Variants in FAM83B observed in about 807,000 individuals in gnomAD.
FAM83B encodes the protein scaffolding CK1 anchoring protein B, also known as protein FAM83B.
A neutral mutation model predicts 38.8 loss-of-function variants in FAM83B; 26 were observed. That is an observed-to-expected ratio of 0.67 (90% CI 0.49 to 0.93). The LOEUF is 0.93. FAM83B is among the 40% of genes least tolerant of loss of function. FAM83B has a pLI of 0.00. For synonymous variants in FAM83B, 419 were observed against 423.1 expected (o/e 0.99, Z 0.12); for missense variants, 1,237 against 1,197.3 (o/e 1.03, Z -0.49).
At chr6:54,885,207 A>G (rs1400030300) in intron 2 of FAM83B, among the ~76,000 whole-genome samples, 5 of 152,146 alleles carry the variant, frequency 3.3e-5, no homozygotes, top group Non-Finnish European at 7.4e-5. Context: ...CACTGCATTT[A>G]TAGAACAGTG....
intron 2 of FAM83B, among the ~76,000 whole-genome samples, chr6:54,897,092 A>G (rs1772555860): frequency 6.6e-6 from 1 of 152,082 alleles, no homozygotes; most frequent in Non-Finnish European, 1.5e-5. Flanking sequence ...TACTGTTAAT[A>G]TTATTGTCAC....
chr6:54,876,674 G>A (rs1772005024), intron 2 of FAM83B, among the ~76,000 whole-genome samples: 1 of 151,696 alleles, frequency 6.6e-6, no homozygotes, highest in African/African-American at 2.4e-5. Flanking sequence ...ATTTCCTTTA[G>A]TCAGCTATTA....
intron 2 of FAM83B, among the ~76,000 whole-genome samples, chr6:54,914,907 C>T (rs1447665976): frequency 1.3e-5 from 2 of 152,090 alleles, no homozygotes; most frequent in Non-Finnish European, 1.5e-5. Flanking sequence ...CTGTTCACCA[C>T]CAAAATATGC....
intron 2 of FAM83B, among the ~76,000 whole-genome samples, chr6:54,909,058 A>G (rs1772845591): frequency 6.6e-6 from 1 of 152,208 alleles, no homozygotes; most frequent in Admixed American, 6.5e-5. Flanking sequence ...CTTGTCTAAC[A>G]CAACTCATAG....
intron 2 of FAM83B, among the ~76,000 whole-genome samples, chr6:54,918,885 G>C (rs2127586623): frequency 6.6e-6 from 1 of 152,184 alleles, no homozygotes; most frequent in Non-Finnish European, 1.5e-5. Context: ...TCCCCGCAGA[G>C]CTTCCTCTTT....
intron 4 of FAM83B, among the ~76,000 whole-genome samples, chr6:54,930,977 A>G (rs1452130717): frequency 6.6e-6 from 1 of 152,106 alleles, no homozygotes; most frequent in Non-Finnish European, 1.5e-5. Flanking sequence ...GCTACATCTC[A>G]TAAATTTTGA....
intron 2 of FAM83B, among the ~76,000 whole-genome samples, chr6:54,910,414 C>T (rs1772877809): frequency 6.6e-6 from 1 of 152,292 alleles, no homozygotes; most frequent in African/African-American, 2.4e-5. Context: ...CCGCCTCTAC[C>T]GGATCTATTT....
At chr6:54,859,882 T>C (rs911034330) in intron 1 of FAM83B, among the ~76,000 whole-genome samples, 2 of 152,222 alleles carry the variant, frequency 1.3e-5, no homozygotes, top group African/African-American at 4.8e-5. Flanking sequence ...GAAGTGGTTA[T>C]TGTAAACTCA....
At chr6:54,897,315 T>C (rs1581908747) in intron 2 of FAM83B, among the ~76,000 whole-genome samples, 1 of 152,016 alleles carries the variant, frequency 6.6e-6, no homozygotes, top group Non-Finnish European at 1.5e-5. Context: ...ATATATATAA[T>C]CTCCTTGCTG....
Position 54,941,678 on chromosome 6 carries a change from A to G in FAM83B, c.2707A>G (p.Asn903Asp). 1 of 1,614,114 alleles carries G rather than the reference A, an allele frequency of 6.2e-7. No homozygotes were observed. The highest frequency in any genetic ancestry group is 1.1e-5 in the South Asian group (1 of 91,078). Residue 903 changes from asparagine to aspartate, a missense_variant, in exon 5 of 5, where the codon AAT becomes GAT. Transcript: ENST00000306858. ...QIQYRDSREI[N>D]AVVTPERRPT... is the part of the protein sequence containing the mutation. ...CCAATACCGAGATTCAAGGGAGATT[A>G]ATGCAGTTGTTACCCCTGAAAGAAG...
At chr6:54,890,058 A>G (rs1426142415) in intron 2 of FAM83B, among the ~76,000 whole-genome samples, 1 of 152,120 alleles carries the variant, frequency 6.6e-6, no homozygotes, top group African/African-American at 2.4e-5. Context: ...CATAAATAAA[A>G]CCAAATACAA....
chr6:54,859,046 CG>C (rs1160337638), intron 1 of FAM83B, among the ~76,000 whole-genome samples: 1 of 151,900 alleles, frequency 6.6e-6, no homozygotes, highest in Non-Finnish European at 1.5e-5. Flanking sequence ...ATTCCTCCCC[CG>C]ACACCGTGCC....
intron 2 of FAM83B, among the ~76,000 whole-genome samples, chr6:54,871,233 G>T (rs1771844155): frequency 6.6e-6 from 1 of 151,972 alleles, no homozygotes; most frequent in Non-Finnish European, 1.5e-5. Flanking sequence ...GCATTTTAAG[G>T]CTTTGGTGTT....
At chr6:54,881,210 T>C (rs1772124212) in intron 2 of FAM83B, among the ~76,000 whole-genome samples, 1 of 152,192 alleles carries the variant, frequency 6.6e-6, no homozygotes, top group Non-Finnish European at 1.5e-5. Context: ...ATATTAGTGA[T>C]AATATACTCC....
Position 54,941,224 on chromosome 6 carries a change from T to A in FAM83B, c.2253T>A (p.Ser751=). The change falls in exon 5 of 5, where the codon TCT becomes TCA. Residue 751 remains serine, a synonymous_variant. Coordinates refer to ENST00000306858, the MANE Select transcript of FAM83B (RefSeq NM_001010872.3). ...AALLDVNKEE[S]NKELASKKEV... is the part of the protein sequence containing the mutation. Reference sequence around the variant, plus strand: ...TACTTGATGTGAATAAAGAGGAATCTAACAAAGAACTTGCTTCAAAGAAGG... The same window carrying A: ...TACTTGATGTGAATAAAGAGGAATCAAACAAAGAACTTGCTTCAAAGAAGG... 1 of 1,613,622 alleles carries A rather than the reference T, an allele frequency of 6.2e-7. No individual in the cohort carries two copies. Among genetic ancestry groups the A allele is most frequent in the Non-Finnish European group, 8.5e-7 (1 of 1,179,864 alleles).
chr6:54,892,086 C>T (rs1772416225), intron 2 of FAM83B, among the ~76,000 whole-genome samples: 1 of 152,156 alleles, frequency 6.6e-6, no homozygotes. Context: ...TGCTAATGAA[C>T]ATTTCTGCTT....
At chr6:54,863,163 C>T (rs930393350) in intron 1 of FAM83B, among the ~76,000 whole-genome samples, 1 of 152,060 alleles carries the variant, frequency 6.6e-6, no homozygotes, top group African/African-American at 2.4e-5. Flanking sequence ...AAGTTGTTAT[C>T]CTATAGGACC....
At chr6:54,933,040 T>C (rs1773457144) in intron 4 of FAM83B, among the ~76,000 whole-genome samples, 1 of 152,170 alleles carries the variant, frequency 6.6e-6, no homozygotes, top group Admixed American at 6.6e-5. Flanking sequence ...AAATAAGTTA[T>C]CTGCTTCTTT....
chr6:54,911,118 A>C (rs1270131549), intron 2 of FAM83B, among the ~76,000 whole-genome samples: 3 of 149,418 alleles, frequency 2.0e-5, no homozygotes, highest in African/African-American at 7.5e-5. Flanking sequence ...TGAGCATGAG[A>C]GGAATGCAGA....
Sources: allele counts gnomAD v4.1 joint callset (sites outside exome capture counted in the v4.1 genomes callset), GRCh38; gene constraint gnomAD v4.1.1; transcripts MANE v1.5; gene names NCBI Gene and HGNC (gene_info 2026-07-23, HGNC 2026-07-21).